LAMA2: variants seen among roughly 807,000 people sequenced by gnomAD.
LAMA2 encodes laminin subunit alpha-2.
Under a neutral mutation model 364.8 loss-of-function variants are expected in LAMA2, and 269 were observed. The ratio of observed to expected loss-of-function variants is 0.74; its 90% CI spans 0.67 to 0.82. The LOEUF (loss-of-function observed/expected upper bound fraction) is 0.82. Ranked by LOEUF, LAMA2 falls within the 40% of genes least tolerant of loss-of-function variation. LAMA2 has a pLI of 0.00. For missense variants in LAMA2, 3,807 were observed against 3,873.2 expected (o/e 0.98, Z 0.45); for synonymous variants, 1,379 against 1,370.6 (o/e 1.01, Z -0.14).
At chr6:129,263,890 C>T (rs1166560015) in intron 15 of LAMA2, among the ~76,000 whole-genome samples, 1 of 152,038 alleles carries the variant, frequency 6.6e-6, no homozygotes, top group Non-Finnish European at 1.5e-5. Context: ...CAGGTGTATA[C>T]CACCATGCCC....
intron 38 of LAMA2, 70 bp downstream of exon 38, chr6:129,401,410 A>G: frequency 1.2e-5 from 11 of 924,856 alleles, no homozygotes; most frequent in Non-Finnish European, 2.0e-5. Context: ...AAGCTCAGTA[A>G]TAGAAGCAAA....
chr6:129,220,254 CAAAA>C (rs1783733994), intron 12 of LAMA2, among the ~76,000 whole-genome samples: 1 of 152,004 alleles, frequency 6.6e-6, no homozygotes, highest in Non-Finnish European at 1.5e-5. Flanking sequence ...TATATTCCTT[CAAAA>C]AACATATAGT....
At chr6:129,052,613 A>C (rs1036064424) in intron 2 of LAMA2, among the ~76,000 whole-genome samples, 5 of 152,152 alleles carry the variant, frequency 3.3e-5, no homozygotes, top group Non-Finnish European at 5.9e-5. Context: ...GTTACAGTCC[A>C]TGAACCTACA....
intron 35 of LAMA2, among the ~76,000 whole-genome samples, chr6:129,390,869 A>G (rs1161876941): frequency 6.6e-6 from 1 of 152,148 alleles, no homozygotes; most frequent in Non-Finnish European, 1.5e-5. Flanking sequence ...TTGAAACCCC[A>G]TTTAATGCAT....
intron 3 of LAMA2, among the ~76,000 whole-genome samples, chr6:129,064,770 T>G (rs1172515035): frequency 6.6e-6 from 1 of 152,102 alleles, no homozygotes; most frequent in Admixed American, 6.6e-5. Context: ...GAATCAGGAA[T>G]AAGAAATACC....
At chr6:129,277,632 T>C (rs1681205874) in intron 17 of LAMA2, among the ~76,000 whole-genome samples, 1 of 152,180 alleles carries the variant, frequency 6.6e-6, no homozygotes, top group African/African-American at 2.4e-5. Context: ...TCTAAAGTCC[T>C]AGATCCCATA....
chr6:129,128,252 A>G (rs1474831319), intron 4 of LAMA2, among the ~76,000 whole-genome samples: 3 of 152,180 alleles, frequency 2.0e-5, no homozygotes, highest in African/African-American at 7.2e-5. Context: ...CATTGAACAG[A>G]CTATCCTTTT....
chr6:129,464,216 T>C, intron 49 of LAMA2, 74 bp from the exon 50 acceptor site: 10 of 1,267,822 alleles, frequency 7.9e-6, no homozygotes, highest in Non-Finnish European at 1.2e-5. Flanking sequence ...GTCTCATTGC[T>C]ATTCAGTGAT....
intron 1 of LAMA2, among the ~76,000 whole-genome samples, chr6:128,885,446 G>T (rs1316190141): frequency 1.3e-5 from 2 of 152,094 alleles, no homozygotes; most frequent in African/African-American, 4.8e-5. Context: ...AACACTTCCG[G>T]TATTGTTTGT....
At chr6:128,964,356 C>G (rs1005164810) in intron 1 of LAMA2, among the ~76,000 whole-genome samples, 5 of 151,976 alleles carry the variant, frequency 3.3e-5, no homozygotes, top group African/African-American at 4.8e-5. Context: ...CTGATAGGCT[C>G]TAATTGAAGT....
In LAMA2 at chr6:129,366,251, G is replaced by A. The variant is rs117781224; in HGVS notation, c.4750G>A (p.Gly1584Ser). 45,999 of 1,613,708 alleles carry A rather than the reference G, an allele frequency of 0.029. 802 individuals carry two copies. The highest frequency in any genetic ancestry group is 0.034 in the Non-Finnish European group (40,485 of 1,179,872). ...AGATGAGTGCACTGGCCTTCTTCTC[G>A]GTGACTTGGCTCGCCTGGAGCAGAT... is the stretch of plus-strand genomic sequence containing the variant. ...CGDECTGLLL[G>S]DLARLEQMVM... Residue 1584 changes from glycine to serine, a missense_variant, in exon 33 of 65, where the codon GGT (glycine) becomes AGT (serine). This residue lies in a region of LAMA2 where 3,333 missense variants were observed against 3,345.7 expected (regional missense o/e 1.00). Coordinates refer to ENST00000421865, the MANE Select transcript of LAMA2 (RefSeq NM_000426.4).
rs368922365 is a variant in LAMA2 at position 129,398,895 on chromosome 6, A to G, written c.5446-2329A>G. Among the ~76,000 whole-genome samples, 38 of 152,372 alleles carry G rather than the reference A, an allele frequency of 2.5e-4. No individual in the cohort carries two copies. In the East Asian group the frequency reaches 3.3e-3, roughly 13 times the overall value. On this transcript the variant is annotated intron_variant, in intron 37 of 64. Transcript: ENST00000421865. ...CAGTGCAGGAGACAGTCACTAAGTCAATAAATAAGCATAAGCTACGACCAT... is the reference window on the plus strand; with the variant it reads ...CAGTGCAGGAGACAGTCACTAAGTCGATAAATAAGCATAAGCTACGACCAT...
chr6:128,998,052 G>T (rs7775367), intron 1 of LAMA2, among the ~76,000 whole-genome samples: 3,735 of 152,028 alleles, frequency 0.025, 142 homozygotes, highest in African/African-American at 0.086. Context: ...GCACAGATGG[G>T]GTGGGATATG....
At chr6:129,150,394 T>C (rs768448197) in intron 7 of LAMA2, among the ~76,000 whole-genome samples, 3 of 152,182 alleles carry the variant, frequency 2.0e-5, no homozygotes, top group Non-Finnish European at 4.4e-5. Context: ...CTTCTGTTTG[T>C]AGAATATCAG....
intron 50 of LAMA2, 26 bp from the exon 51 acceptor site, chr6:129,465,119 C>A (rs749079788): frequency 6.3e-7 from 1 of 1,589,436 alleles, no homozygotes; most frequent in Non-Finnish European, 8.6e-7. Flanking sequence ...TATCTAACCA[C>A]TGGGGTATGT....
intron 52 of LAMA2, among the ~76,000 whole-genome samples, chr6:129,474,228 C>T (rs1308305522): frequency 6.6e-6 from 1 of 152,072 alleles, no homozygotes; most frequent in Non-Finnish European, 1.5e-5. Context: ...CCCAGAATAG[C>T]TGAAAAGTGT....
chr6:128,891,167 T>A (rs2114384241), intron 1 of LAMA2, among the ~76,000 whole-genome samples: 1 of 152,224 alleles, frequency 6.6e-6, no homozygotes, highest in East Asian at 1.9e-4. Flanking sequence ...TAAGAAAATC[T>A]AAAAATTGAA....
intron 12 of LAMA2, among the ~76,000 whole-genome samples, chr6:129,249,163 G>T (rs768470041): frequency 9.5e-4 from 145 of 152,234 alleles, no homozygotes; most frequent in Admixed American, 1.7e-3. Context: ...GTCTGGTCAG[G>T]GTTGGACGTG....
intron 12 of LAMA2, among the ~76,000 whole-genome samples, chr6:129,210,862 CTGGCTACAG>C (rs1179644271): frequency 6.6e-6 from 1 of 152,072 alleles, no homozygotes; most frequent in African/African-American, 2.4e-5. Context: ...AGAACAGATG[CTGGCTACAG>C]TGGTCGACAG....
Sources: gnomAD v4.1 joint callset for allele counts (sites outside exome capture counted in the v4.1 genomes callset) on GRCh38, gnomAD v4.1.1 for gene constraint, gnomAD v4.1.1 regional missense constraint, MANE v1.5 for transcripts, NCBI Gene and HGNC (gene_info 2026-07-23, HGNC 2026-07-21) for gene names.